Variants in RPS6KA1 observed in about 807,000 individuals in gnomAD.
RPS6KA1 encodes ribosomal protein S6 kinase A1, also known as ribosomal protein S6 kinase alpha-1.
A neutral mutation model predicts 91.3 loss-of-function variants in RPS6KA1; 48 were observed. That is an observed-to-expected ratio of 0.53 (90% confidence interval 0.42 to 0.67). RPS6KA1 has a LOEUF of 0.67. Ranked by LOEUF, RPS6KA1 falls within the 30% of genes least tolerant of loss-of-function variation. The pLI is 0.00. For synonymous variants in RPS6KA1, 359 were observed against 384.7 expected (o/e 0.93, Z 0.78); for missense variants, 719 against 960.5 (o/e 0.75, Z 3.32).
rs2076077368 is a variant in RPS6KA1, at chr1:26,554,114, C to CACCT, written c.576-99_576-96dup. 4 of 1,252,086 alleles carry CACCT rather than the reference C, an allele frequency of 3.2e-6. No individual in the cohort carries two copies. Among genetic ancestry groups the CACCT allele is most frequent in the Non-Finnish European group, 4.5e-6 (4 of 897,168 alleles). 77.6% of individuals were successfully genotyped at this position (1,252,086 alleles called of 1,614,324 possible). ...AGTCATCAGAGAGAATTGGGTGGAG[C>CACCT]ACCTCCTCTGGGCTGAACCCAACTC... On this transcript the variant is annotated intron_variant, in intron 7 of 21. Coordinates refer to ENST00000374168, the MANE Select transcript of RPS6KA1 (RefSeq NM_002953.4). This position sits in a 1 kb window ranked among gnomAD's most constrained non-coding sequence, Gnocchi z 4.6.
chr1:26,541,754 G>T (rs1240063172), intron 2 of RPS6KA1, among the ~76,000 whole-genome samples: 1 of 152,238 alleles, frequency 6.6e-6, no homozygotes, highest in Non-Finnish European at 1.5e-5. Flanking sequence ...ACTGAGGGAG[G>T]GGGTAGCGCC....
Position 26,574,407 on chromosome 1 carries a change from G to T in RPS6KA1, c.*206G>T. 1 of 781,050 alleles carries T rather than the reference G, an allele frequency of 1.3e-6. No homozygotes were observed. The highest frequency in any genetic ancestry group is 1.4e-5 in the South Asian group (1 of 73,330). 48.4% of individuals were successfully genotyped at this position (781,050 alleles called of 1,614,324 possible). ...ACTCTTCTCGGCTCAGGCTCTGCTG[G>T]TGGAAAGCGATTCACTGTATAAACT... On this transcript the variant is annotated 3_prime_UTR_variant, in exon 22 of 22. Transcript: ENST00000374168. The surrounding 1 kb of genome is among the most constrained non-coding windows in gnomAD (Gnocchi z 4.3).
At chr1:26,556,507 T>C in intron 11 of RPS6KA1, 147 bp from the exon 12 acceptor site, 2 of 761,652 alleles carry the variant, frequency 2.6e-6, no homozygotes, top group Non-Finnish European at 4.5e-6. Flanking sequence ...CTTAGGGTGA[T>C]GGCTGGGTAG....
rs1012954723 is a variant in RPS6KA1 at position 26,558,009 on chromosome 1, A to G, written c.1085-798A>G. ...ACGCCTGGCTAATTTTTGTATTTTT[A>G]GTAGAGACGGGGTTTCACCATGTTG... is the stretch of plus-strand genomic sequence containing the variant. On this transcript the variant is annotated intron_variant, in intron 13 of 21. Transcript: ENST00000374168. This position sits in a 1 kb window ranked among gnomAD's most constrained non-coding sequence, Gnocchi z 4.0. Among the ~76,000 whole-genome samples the G allele has an allele frequency of 4.0e-5, 6 of 151,658 alleles. No individual in the cohort carries two copies. Among genetic ancestry groups the G allele is most frequent in the African/African-American group, 1.5e-4 (6 of 41,250 alleles).
At position 26,546,874 on chromosome 1, in the gene RPS6KA1, G is replaced by A. The variant is rs1425120261; in HGVS notation, c.116G>A (p.Gly39Asp). The A allele has an allele frequency of 6.2e-7, 1 of 1,613,756 alleles. No individual in the cohort carries two copies. The highest frequency in any genetic ancestry group is 1.3e-5 in the African/African-American group (1 of 74,922). ...EAGLQPSKDEGVLKEISITHH... is the reference protein window; with the variant it reads ...EAGLQPSKDEDVLKEISITHH... Reference sequence around the variant, plus strand: ...GCTCTGTCCCTCCATCAGGATGAGGGCGTCCTCAAGGAGATCTCCATCACG... The same window carrying A: ...GCTCTGTCCCTCCATCAGGATGAGGACGTCCTCAAGGAGATCTCCATCACG... Residue 39 changes from glycine to aspartate, a missense_variant, in exon 3 of 22, where the codon GGC becomes GAC. By Grantham distance (94) the Gly-to-Asp change is moderately conservative (BLOSUM62 -1). Transcript: ENST00000374168.
intron 2 of RPS6KA1, among the ~76,000 whole-genome samples, chr1:26,538,270 C>G (rs942237510): frequency 6.6e-6 from 1 of 152,190 alleles, no homozygotes; most frequent in African/African-American, 2.4e-5. Flanking sequence ...TGCCTAGTAA[C>G]AAAATGAAGA....
In RPS6KA1 at chr1:26,571,526, T is replaced by G; in HGVS notation, c.1668T>G (p.Cys556Trp). Residue 556 changes from cysteine (C) to tryptophan (W), a missense_variant, in exon 18 of 22, where the codon TGT becomes TGG. Cys to Trp is a radical substitution (Grantham distance 215). This residue lies in a region of RPS6KA1 where 249 missense variants were observed against 323.1 expected (regional missense o/e 0.77). Coordinates refer to ENST00000374168, the MANE Select transcript of RPS6KA1 (RefSeq NM_002953.4). The surrounding 1 kb of genome is among the most constrained non-coding windows in gnomAD (Gnocchi z 5.1). ...ESGNPECLRI[C>W]DFGFAKQLRA... The stretch of plus-strand genomic sequence containing the variant: ...GGAATCCCGAGTGCCTGCGCATCTG[T>G]GACTTTGGTTTTGCCAAACAGCTGC... 5 of 1,614,174 alleles carry G rather than the reference T, an allele frequency of 3.1e-6. No individual in the cohort carries two copies. Among genetic ancestry groups the G allele is most frequent in the Non-Finnish European group, 4.2e-6 (5 of 1,180,030 alleles).
rs538688884 is a variant in RPS6KA1 at position 26,555,886 on chromosome 1, G to A, written c.916+261G>A. On this transcript the variant is annotated intron_variant, in intron 11 of 21. Coordinates refer to ENST00000374168, the MANE Select transcript of RPS6KA1 (RefSeq NM_002953.4). The surrounding 1 kb of genome is among the most constrained non-coding windows in gnomAD (Gnocchi z 4.3). ...ACAGAGGCCCCCACACAGCTTCTCCGCCAAGGCTGCTGGCACAAGAGAAAT... is the reference window on the plus strand; with the variant it reads ...ACAGAGGCCCCCACACAGCTTCTCCACCAAGGCTGCTGGCACAAGAGAAAT... 1.3e-5 allele frequency among the ~76,000 whole-genome samples: 2 copies of A among 152,244 alleles called. No individual in the cohort carries two copies. Among genetic ancestry groups the A allele is most frequent in the South Asian group, 2.1e-4 (1 of 4,820 alleles).
At position 26,547,094 on chromosome 1, in the gene RPS6KA1, G is replaced by C. The variant is rs2076001443; in HGVS notation, c.226-95G>C. On this transcript the variant is annotated intron_variant, in intron 3 of 21. Coordinates refer to ENST00000374168, the MANE Select transcript of RPS6KA1 (RefSeq NM_002953.4). The surrounding 1 kb of genome is among the most constrained non-coding windows in gnomAD (Gnocchi z 4.1). ...GAGGTCACCTTGGTACCCAGGGAGA[G>C]CAAAAAGGTCAGCTTGGGGCTCAGA... 1 of 1,542,522 alleles carries C rather than the reference G, an allele frequency of 6.5e-7. No individual in the cohort carries two copies. Among genetic ancestry groups the C allele is most frequent in the Non-Finnish European group, 9.0e-7 (1 of 1,116,356 alleles).
Position 26,547,050 on chromosome 1 carries a change from CT to C in RPS6KA1, c.225+68del. ...GTTAGAGGTGGGGGTCAAGGGTCAC[CT>C]AGGGGCCCAAAGGATCAGAGGTCAC... is the stretch of plus-strand genomic sequence containing the variant. On this transcript the variant is annotated intron_variant, in intron 3 of 21. Transcript: ENST00000374168. The surrounding 1 kb of genome is among the most constrained non-coding windows in gnomAD (Gnocchi z 4.1). 7 of 1,533,346 alleles carry C rather than the reference CT, an allele frequency of 4.6e-6. No homozygotes were observed. Among genetic ancestry groups the C allele is most frequent in the Admixed American group, 1.7e-5 (1 of 59,904 alleles). 95.0% of individuals were successfully genotyped at this position (1,533,346 alleles called of 1,614,324 possible). A position where few individuals can be genotyped will look rare whatever the true frequency, so the allele number is the denominator to read the frequency against.
intron 2 of RPS6KA1, 38 bp from the exon 3 acceptor site, chr1:26,546,829 G>A (rs535713059): frequency 1.9e-6 from 3 of 1,548,002 alleles, no homozygotes; most frequent in Non-Finnish European, 2.7e-6. Flanking sequence ...CTGCCTGGAT[G>A]GGGCCCACCA....
Position 26,529,898 on chromosome 1 carries a change from GCGGGTGACCTGGCGGCGGC to G in RPS6KA1, c.-22_-4del, listed in dbSNP as rs1435482644. 4.9e-6 allele frequency: 7 copies of G among 1,417,436 alleles called. No homozygotes were observed. The African/African-American group carries it at 9.0e-5, about 18-fold the overall frequency. The allele number at this position is 1,417,436 out of a possible 1,614,324, so 87.8% of individuals were successfully genotyped here. On this transcript the variant is annotated 5_prime_UTR_variant, in exon 1 of 22. Transcript: ENST00000374168. The surrounding 1 kb of genome is among the most constrained non-coding windows in gnomAD (Gnocchi z 4.2). ...GCGCAGCCGGGGCCGCCGGAGGAGC[GCGGGTGACCTGGCGGCGGC>G]GAGATGCCGCTCGCCCAGCTCAAGG...
Position 26,529,822 on chromosome 1 carries a change from G to GGGCGCGGCGGTTCGGGTC in RPS6KA1, c.-97_-80dup. 1 of 906,858 alleles carries GGGCGCGGCGGTTCGGGTC rather than the reference G, an allele frequency of 1.1e-6. No homozygotes were observed. The highest frequency in any genetic ancestry group is 1.4e-6 in the Non-Finnish European group (1 of 699,734). The allele number at this position is 906,858 out of a possible 1,614,324, so 56.2% of individuals were successfully genotyped here. A position where few individuals can be genotyped will look rare whatever the true frequency, so the allele number is the denominator to read the frequency against. Reference sequence around the variant, plus strand: ...CAGCCGGAGCGCGAGGGGCTCGGGGGGGCGCGGCGGTTCGGGTCGCAGAGC... The same window carrying GGGCGCGGCGGTTCGGGTC: ...CAGCCGGAGCGCGAGGGGCTCGGGGGGGCGCGGCGGTTCGGGTCGGCGCGGCGGTTCGGGTCGCAGAGC... On this transcript the variant is annotated 5_prime_UTR_variant, in exon 1 of 22. Transcript: ENST00000374168. The surrounding 1 kb of genome is among the most constrained non-coding windows in gnomAD (Gnocchi z 4.2).
chr1:26,570,192 G>A (rs913698833), intron 17 of RPS6KA1, among the ~76,000 whole-genome samples: 1 of 152,026 alleles, frequency 6.6e-6, no homozygotes, highest in African/African-American at 2.4e-5. Flanking sequence ...GACTATGAAT[G>A]GAACTGTACA....
chr1:26,570,582 G>T (rs2076240691), intron 17 of RPS6KA1, among the ~76,000 whole-genome samples: 1 of 152,120 alleles, frequency 6.6e-6, no homozygotes, highest in Non-Finnish European at 1.5e-5. Context: ...AGCAAACAGG[G>T]CCCAGAGGAA....
At position 26,554,560 on chromosome 1, in the gene RPS6KA1, G is replaced by A; in HGVS notation, c.614-36G>A. The A allele has an allele frequency of 1.3e-6, 2 of 1,590,828 alleles. No homozygotes were observed. Among genetic ancestry groups the A allele is most frequent in the Non-Finnish European group, 8.6e-7 (1 of 1,163,916 alleles). On this transcript the variant is annotated intron_variant, in intron 8 of 21. Coordinates refer to ENST00000374168, the MANE Select transcript of RPS6KA1 (RefSeq NM_002953.4). This position sits in a 1 kb window ranked among gnomAD's most constrained non-coding sequence, Gnocchi z 4.6. ...AAGGGTGGCAGCAAGGAAGGCAGGG[G>A]TCCTAAGGTGTGTCCTCCTGCCCTC... is the stretch of plus-strand genomic sequence containing the variant.
chr1:26,552,094 A>G (rs1178331859), intron 6 of RPS6KA1, among the ~76,000 whole-genome samples: 1 of 152,168 alleles, frequency 6.6e-6, no homozygotes, highest in South Asian at 2.1e-4. Context: ...TTGAACCAAT[A>G]TAAAAGGATT....
At position 26,555,305 on chromosome 1, in the gene RPS6KA1, C is replaced by A; in HGVS notation, c.827+84C>A. The A allele has an allele frequency of 7.5e-7, 1 of 1,338,008 alleles. No individual in the cohort carries two copies. The highest frequency in any genetic ancestry group is 1.4e-5 in the African/African-American group (1 of 69,626). 82.9% of individuals were successfully genotyped at this position (1,338,008 alleles called of 1,614,324 possible). ...GGGGTCAGAATATTATTACCCTGTC[C>A]CTGCCTCAGCTACCCTCTCTAATGA... On this transcript the variant is annotated intron_variant, in intron 10 of 21. Coordinates refer to ENST00000374168, the MANE Select transcript of RPS6KA1 (RefSeq NM_002953.4). This position sits in a 1 kb window ranked among gnomAD's most constrained non-coding sequence, Gnocchi z 4.3.
In RPS6KA1 at chr1:26,571,682, C is replaced by A; in HGVS notation, c.1752+72C>A. The A allele has an allele frequency of 1.3e-6, 2 of 1,554,178 alleles. No homozygotes were observed. The highest frequency in any genetic ancestry group is 1.9e-5 in the Admixed American group (1 of 53,962). ...GGCCTTGTGCCCCCTCCCAGAGGCC[C>A]CACATTAGCCGGGACTCCAGTCTCT... is the stretch of plus-strand genomic sequence containing the variant. On this transcript the variant is annotated intron_variant, in intron 18 of 21. Transcript: ENST00000374168. This position sits in a 1 kb window ranked among gnomAD's most constrained non-coding sequence, Gnocchi z 5.1.
Sources: allele counts gnomAD v4.1 joint callset (sites outside exome capture counted in the v4.1 genomes callset), GRCh38; gene constraint gnomAD v4.1.1; regional missense constraint gnomAD v4.1.1; non-coding constraint Gnocchi (gnomAD v3.1); transcripts MANE v1.5; gene names NCBI Gene and HGNC (gene_info 2026-07-23, HGNC 2026-07-21).